DPP10: variants seen among roughly 807,000 people sequenced by gnomAD.
The protein encoded by DPP10 is dipeptidyl peptidase like 10, also known as inactive dipeptidyl peptidase 10.
In DPP10, 33 loss-of-function variants were observed where a neutral mutation model predicts 120.9. That is an observed-to-expected ratio of 0.27 (90% CI 0.21 to 0.37). The LOEUF is 0.37. Among genes scored for constraint, DPP10 ranks in the 10% least tolerant of loss-of-function variants. DPP10 has a pLI of 1.00. For missense variants in DPP10, 816 were observed against 942.8 expected, an observed-to-expected ratio of 0.87 and a Z score of 1.76; for synonymous variants, 337 against 326.1, an observed-to-expected ratio of 1.03 and a Z score of -0.36.
intron 5 of DPP10, among the ~76,000 whole-genome samples, chr2:115,622,745 G>A (rs914320798): frequency 5.3e-5 from 8 of 150,430 alleles, no homozygotes; most frequent in Middle Eastern, 3.2e-3. Flanking sequence ...AGGCATTTCA[G>A]TGGATCCCTA....
intron 11 of DPP10, among the ~76,000 whole-genome samples, chr2:115,754,099 TC>T (rs1679092682): frequency 6.6e-6 from 1 of 152,104 alleles, no homozygotes; most frequent in Non-Finnish European, 1.5e-5. Context: ...ATGCACAAAA[TC>T]AACCTTGCTA....
At chr2:115,660,808 C>G (rs1232836720) in intron 5 of DPP10, among the ~76,000 whole-genome samples, 1 of 151,652 alleles carries the variant, frequency 6.6e-6, no homozygotes, top group African/African-American at 2.4e-5. Flanking sequence ...TACAAATATA[C>G]TTTTTGTGCC....
chr2:115,099,463 G>A (rs1028583501), intron 1 of DPP10, among the ~76,000 whole-genome samples: 1 of 152,288 alleles, frequency 6.6e-6, no homozygotes, highest in African/African-American at 2.4e-5. Context: ...TGGAGAACTG[G>A]TATGAGAAGG....
chr2:115,330,066 T>C (rs2062618824), intron 2 of DPP10, among the ~76,000 whole-genome samples: 1 of 152,048 alleles, frequency 6.6e-6, no homozygotes, highest in Non-Finnish European at 1.5e-5. Context: ...AGTGTAAAAG[T>C]GTTCCTATTT....
At chr2:115,800,162 G>C (rs1403945632) in intron 19 of DPP10, among the ~76,000 whole-genome samples, 1 of 151,788 alleles carries the variant, frequency 6.6e-6, no homozygotes, top group East Asian at 1.9e-4. Context: ...TTGTGGTTTT[G>C]ATTTGCATTG....
chr2:115,297,054 AAC>A (rs2060918082), intron 1 of DPP10, among the ~76,000 whole-genome samples: 1 of 152,070 alleles, frequency 6.6e-6, no homozygotes, highest in African/African-American at 2.4e-5. Context: ...ATATAGATGA[AAC>A]AGTTTATAAA....
Position 114,838,372 on chromosome 2 carries a change from CAGTGTCACTTGGCT to C in DPP10, c.60+395535_60+395548del, listed in dbSNP as rs1687900221. ...TTCCTCTGTCACCCAGGCTGGAGTGCAGTGTCACTTGGCTCACTGCAACTGCCACCTCCCGGATT... is the reference window on the plus strand; with the variant it reads ...TTCCTCTGTCACCCAGGCTGGAGTGCCACTGCAACTGCCACCTCCCGGATT... On this transcript the variant is annotated intron_variant, in intron 1 of 25. Coordinates refer to ENST00000410059, the MANE Select transcript of DPP10 (RefSeq NM_020868.6). 3.3e-5 allele frequency among the ~76,000 whole-genome samples: 5 copies of C among 152,158 alleles called. No individual in the cohort carries two copies. In the South Asian group the frequency reaches 1.0e-3, roughly 32 times the overall value.
chr2:115,738,057 G>C (rs1369381381), intron 8 of DPP10, among the ~76,000 whole-genome samples: 1 of 152,154 alleles, frequency 6.6e-6, no homozygotes, highest in Non-Finnish European at 1.5e-5. Flanking sequence ...TTATTTATAA[G>C]ATTGGCCAAG....
Position 114,449,855 on chromosome 2 carries a change from A to G in DPP10, c.60+7017A>G, listed in dbSNP as rs552759808. On this transcript the variant is annotated intron_variant, in intron 1 of 25. Transcript: ENST00000410059. ...ATTTTATTTGCAATTATTATTAACTATAATGATGATAAAAATTCATTTTGA... is the reference window on the plus strand; with the variant it reads ...ATTTTATTTGCAATTATTATTAACTGTAATGATGATAAAAATTCATTTTGA... Among the ~76,000 whole-genome samples the G allele has an allele frequency of 8.1e-4, 123 of 152,318 alleles. 2 individuals are homozygous for G. In the South Asian group the frequency reaches 9.5e-3, roughly 12 times the overall value.
intron 1 of DPP10, among the ~76,000 whole-genome samples, chr2:115,228,588 T>A (rs187273088): frequency 1.9e-3 from 295 of 152,102 alleles, no homozygotes; most frequent in African/African-American, 3.0e-3. Context: ...AATTTTTTTT[T>A]AAAAAATTTA....
intron 3 of DPP10, among the ~76,000 whole-genome samples, chr2:115,439,269 T>C (rs950780257): frequency 6.5e-4 from 98 of 151,426 alleles, no homozygotes; most frequent in Non-Finnish European, 1.1e-3. Context: ...GTGGCTAAGA[T>C]GGTCATGGGA....
chr2:115,111,265 G>A (rs1360549736), intron 1 of DPP10, among the ~76,000 whole-genome samples: 1 of 147,370 alleles, frequency 6.8e-6, no homozygotes, highest in Non-Finnish European at 1.5e-5. Context: ...AAATTACGTT[G>A]TATAGCTTTT....
intron 1 of DPP10, among the ~76,000 whole-genome samples, chr2:114,511,756 A>G (rs1684164545): frequency 6.6e-6 from 1 of 152,184 alleles, no homozygotes; most frequent in African/African-American, 2.4e-5. Context: ...CAAACCTTAC[A>G]ATAGCTCAAA....
chr2:115,252,079 C>T (rs2058778272), intron 1 of DPP10, among the ~76,000 whole-genome samples: 1 of 152,178 alleles, frequency 6.6e-6, no homozygotes, highest in African/African-American at 2.4e-5. Flanking sequence ...AGGACCTCCT[C>T]AATCGGAACA....
intron 5 of DPP10, among the ~76,000 whole-genome samples, chr2:115,582,331 C>CAGTT (rs1307520763): frequency 2.0e-5 from 3 of 152,104 alleles, no homozygotes; most frequent in Admixed American, 6.5e-5. Context: ...GGTCATAAAC[C>CAGTT]AGTTAAACTC....
chr2:115,044,253 A>G (rs1704890203), intron 1 of DPP10, among the ~76,000 whole-genome samples: 1 of 152,094 alleles, frequency 6.6e-6, no homozygotes, highest in African/African-American at 2.4e-5. Flanking sequence ...GAAACTTACA[A>G]TCATTGTAGA....
chr2:115,672,461 A>G (rs1223446762), intron 5 of DPP10, among the ~76,000 whole-genome samples: 1 of 152,186 alleles, frequency 6.6e-6, no homozygotes, highest in Non-Finnish European at 1.5e-5. Flanking sequence ...AGGGCAAGAA[A>G]AAAATGAGCT....
intron 1 of DPP10, among the ~76,000 whole-genome samples, chr2:114,854,576 A>G (rs996412714): frequency 6.6e-6 from 1 of 152,190 alleles, no homozygotes; most frequent in Non-Finnish European, 1.5e-5. Context: ...AACAGGTATC[A>G]TAGTCAGAGG....
At chr2:114,926,941 C>G (rs1291647153) in intron 1 of DPP10, among the ~76,000 whole-genome samples, 1 of 150,436 alleles carries the variant, frequency 6.6e-6, no homozygotes, top group Admixed American at 6.6e-5. Context: ...AGCTCTGCCT[C>G]CCAGGTTCAC....
Sources: gnomAD v4.1 joint callset for allele counts (sites outside exome capture counted in the v4.1 genomes callset) on GRCh38, gnomAD v4.1.1 for gene constraint, MANE v1.5 for transcripts, NCBI Gene and HGNC (gene_info 2026-07-23, HGNC 2026-07-21) for gene names.